SLC44A5: variants seen among roughly 807,000 people sequenced by gnomAD.
SLC44A5 encodes the protein solute carrier family 44 member 5, also known as choline transporter-like protein 5.
Under a neutral mutation model 101.8 loss-of-function variants are expected in SLC44A5, and 57 were observed. That is an observed-to-expected ratio of 0.56 (90% CI 0.45 to 0.70). The LOEUF (loss-of-function observed/expected upper bound fraction) is 0.70, where lower values mean the gene tolerates loss of function less well. SLC44A5 is among the 30% of genes least tolerant of loss of function. The pLI is 0.00. For missense variants in SLC44A5, 737 were observed against 853.1 expected (o/e 0.86, Z 1.70); for synonymous variants, 281 against 290.9 (o/e 0.97, Z 0.35).
At chr1:75,705,303 C>T in the SLC44A5 span, among the ~76,000 whole-genome samples, 1 of 152,096 alleles carries the variant, frequency 6.6e-6, no homozygotes, top group South Asian at 2.1e-4. Flanking sequence ...TTTATACTAT[C>T]TTAATAAAAA....
chr1:75,472,883 A>C (rs1292831946), intron 2 of SLC44A5, among the ~76,000 whole-genome samples: 1 of 152,178 alleles, frequency 6.6e-6, no homozygotes, highest in African/African-American at 2.4e-5. Context: ...CTCATAGACT[A>C]ACAAGTGGCA....
the SLC44A5 span, among the ~76,000 whole-genome samples, chr1:75,617,020 T>C: frequency 6.6e-6 from 1 of 151,976 alleles, no homozygotes; most frequent in Non-Finnish European, 1.5e-5. Flanking sequence ...TGATAAGGGA[T>C]GAAAAGAAGT....
chr1:75,572,820 A>C (rs1379243257), intron 1 of SLC44A5, among the ~76,000 whole-genome samples: 1 of 152,046 alleles, frequency 6.6e-6, no homozygotes, highest in African/African-American at 2.4e-5. Flanking sequence ...TTCAGGCTTA[A>C]GCATATCAAG....
rs929707826 is a variant in SLC44A5 at position 75,463,172 on chromosome 1, A to G, written c.14-66551T>C. 1.2e-4 allele frequency among the ~76,000 whole-genome samples: 19 copies of G among 152,354 alleles called. No homozygotes were observed. In the East Asian group the frequency reaches 2.3e-3, roughly 19 times the overall value. On this transcript the variant is annotated intron_variant, in intron 2 of 23. Transcript: ENST00000370859. ...CACGGTGGCTCACGCCTGTAATCCC[A>G]GTACTTTGGAAGGCCGAGGCAGGCG...
At chr1:75,462,638 C>T (rs1317443901) in intron 2 of SLC44A5, among the ~76,000 whole-genome samples, 3 of 151,866 alleles carry the variant, frequency 2.0e-5, no homozygotes, top group East Asian at 1.9e-4. Context: ...TTCAAGATAA[C>T]GCAGAGAAGG....
chr1:75,692,823 C>G, the SLC44A5 span, among the ~76,000 whole-genome samples: 3 of 151,906 alleles, frequency 2.0e-5, no homozygotes, highest in Non-Finnish European at 4.4e-5. Flanking sequence ...TTTCTAGAAC[C>G]CTCATGAGGG....
chr1:75,667,013 C>A, the SLC44A5 span, among the ~76,000 whole-genome samples: 1 of 152,156 alleles, frequency 6.6e-6, no homozygotes. Flanking sequence ...AGCATTCCCT[C>A]TGAAAACCGG....
chr1:75,358,789 T>C (rs566849645), intron 3 of SLC44A5, among the ~76,000 whole-genome samples: 5 of 152,328 alleles, frequency 3.3e-5, no homozygotes, highest in South Asian at 2.1e-4. Context: ...GTATACAATG[T>C]AGAATGATTC....
At chr1:75,709,040 A>G in the SLC44A5 span, among the ~76,000 whole-genome samples, 1 of 152,226 alleles carries the variant, frequency 6.6e-6, no homozygotes, top group South Asian at 2.1e-4. Flanking sequence ...TTAATCCCGG[A>G]TACTGATGAG....
intron 12 of SLC44A5, among the ~76,000 whole-genome samples, chr1:75,231,749 C>A (rs540141272): frequency 1.1e-3 from 170 of 152,096 alleles, no homozygotes; most frequent in Non-Finnish European, 2.2e-3. Flanking sequence ...GAGGATCATA[C>A]AGTTAATATG....
intron 4 of SLC44A5, among the ~76,000 whole-genome samples, chr1:75,305,940 A>G (rs190615270): frequency 6.6e-6 from 1 of 152,338 alleles, no homozygotes; most frequent in Non-Finnish European, 1.5e-5. Context: ...TATAGCCTAG[A>G]TCAAGGGCAG....
At chr1:75,431,097 G>GA (rs1664588968) in intron 2 of SLC44A5, among the ~76,000 whole-genome samples, 1 of 151,772 alleles carries the variant, frequency 6.6e-6, no homozygotes, top group African/African-American at 2.4e-5. Flanking sequence ...AATTCCATGG[G>GA]AAAAAAAATC....
chr1:75,403,659 CA>C (rs1246366761), intron 2 of SLC44A5, among the ~76,000 whole-genome samples: 1 of 152,110 alleles, frequency 6.6e-6, no homozygotes, highest in Non-Finnish European at 1.5e-5. Context: ...TTAACATCAA[CA>C]AAAAGGATGC....
At chr1:75,328,134 T>C (rs2100988535) in intron 4 of SLC44A5, among the ~76,000 whole-genome samples, 1 of 152,354 alleles carries the variant, frequency 6.6e-6, no homozygotes, top group South Asian at 2.1e-4. Flanking sequence ...CCACTGGTCT[T>C]CTGTCCATCT....
At chr1:75,593,158 CA>C (rs1225982257) in intron 1 of SLC44A5, among the ~76,000 whole-genome samples, 1 of 151,828 alleles carries the variant, frequency 6.6e-6, no homozygotes, top group Non-Finnish European at 1.5e-5. Context: ...TCTATTAATC[CA>C]ATCAAAACAT....
intron 1 of SLC44A5, among the ~76,000 whole-genome samples, chr1:75,576,203 G>T (rs1673352417): frequency 6.6e-6 from 1 of 151,790 alleles, no homozygotes; most frequent in Non-Finnish European, 1.5e-5. Context: ...ATAGAGATGA[G>T]AGATAGATAG....
At chr1:75,628,256 C>T in the SLC44A5 span, among the ~76,000 whole-genome samples, 3 of 152,090 alleles carry the variant, frequency 2.0e-5, no homozygotes, top group Non-Finnish European at 4.4e-5. Context: ...TGTTTCACTG[C>T]TTTCATAGTT....
intron 2 of SLC44A5, among the ~76,000 whole-genome samples, chr1:75,516,547 G>A (rs1197850772): frequency 1.3e-5 from 2 of 151,962 alleles, no homozygotes; most frequent in African/African-American, 4.8e-5. Context: ...AAAAAAATAA[G>A]CTACACTCAG....
At chr1:75,572,652 G>C (rs1325835322) in intron 1 of SLC44A5, among the ~76,000 whole-genome samples, 1 of 152,156 alleles carries the variant, frequency 6.6e-6, no homozygotes, top group African/African-American at 2.4e-5. Flanking sequence ...GTCTTACAAA[G>C]TGGAGAGTTC....
Sources: gnomAD v4.1 joint callset for allele counts (sites outside exome capture counted in the v4.1 genomes callset) on GRCh38, gnomAD v4.1.1 for gene constraint, MANE v1.5 for transcripts, NCBI Gene and HGNC (gene_info 2026-07-23, HGNC 2026-07-21) for gene names.